The following ARHGAP8 variants were observed in gnomAD, a reference collection of about 807,000 sequenced individuals.
ARHGAP8 encodes the protein Rho GTPase activating protein 8.
ARHGAP8 carries 62 observed loss-of-function variants against 46.1 expected under a neutral mutation model. The ratio of observed to expected loss-of-function variants is 1.34; its 90% CI spans 1.10 to 1.66. The LOEUF is 1.66. ARHGAP8 is among the 40% of genes most tolerant of loss of function. The pLI is 0.00. For synonymous variants in ARHGAP8, 375 were observed against 243.1 expected, an observed-to-expected ratio of 1.54 and a Z score of -5.05; for missense variants, 923 against 568.4, an observed-to-expected ratio of 1.62 and a Z score of -6.34.
Position 44,855,926 on chromosome 22 carries a change from G to C in ARHGAP8, c.878-3805G>C, listed in dbSNP as rs2070209502. On this transcript the variant is annotated intron_variant, in intron 10 of 11. Transcript: ENST00000356099. ...GGAAGCACGGTGTTGGCATCTGCTT[G>C]GCTTCCAGGGAGGCCTCAGGAAGCT... Among the ~76,000 whole-genome samples, 10 of 152,282 alleles carry C rather than the reference G, an allele frequency of 6.6e-5. No individual in the cohort carries two copies. The South Asian group carries it at 2.1e-3, about 32-fold the overall frequency.
chr22:44,755,575 G>C (rs889941898), intron 1 of ARHGAP8, among the ~76,000 whole-genome samples: 4 of 152,154 alleles, frequency 2.6e-5, no homozygotes, highest in Non-Finnish European at 5.9e-5. Context: ...GCAGGAGAGC[G>C]CGCTGCTCCG....
At chr22:44,845,610 C>T (rs761251880) in intron 8 of ARHGAP8, among the ~76,000 whole-genome samples, 1 of 152,290 alleles carries the variant, frequency 6.6e-6, no homozygotes, top group Non-Finnish European at 1.5e-5. Flanking sequence ...AATAACAAAC[C>T]GTACATGACT....
chr22:44,834,898 T>A (rs1225475809), intron 7 of ARHGAP8, among the ~76,000 whole-genome samples: 1 of 152,186 alleles, frequency 6.6e-6, no homozygotes, highest in East Asian at 1.9e-4. Context: ...AAGTCTATTT[T>A]GTCGGATATT....
intron 2 of ARHGAP8, among the ~76,000 whole-genome samples, chr22:44,799,054 C>G (rs961271182): frequency 6.6e-6 from 1 of 152,174 alleles, no homozygotes; most frequent in African/African-American, 2.4e-5. Context: ...TCCAGGCTTC[C>G]CATCCCCAGC....
rs770913517 is a variant in ARHGAP8, at chr22:44,862,608, T to A, written c.*13T>A. 45 of 1,531,952 alleles carry A rather than the reference T, an allele frequency of 2.9e-5. No homozygotes were observed. Among genetic ancestry groups the A allele is most frequent in the Non-Finnish European group, 3.9e-5 (44 of 1,138,312 alleles). The allele number at this position is 1,531,952 out of a possible 1,614,324, so 94.9% of individuals were successfully genotyped here. ...AAGACGTCTCTAGTGTTGCGAACAC[T>A]CTGTATATTTCGAGCTACCTCCCAC... On this transcript the variant is annotated 3_prime_UTR_variant, in exon 12 of 12. Coordinates refer to ENST00000356099, the MANE Select transcript of ARHGAP8 (RefSeq NM_181335.3).
intron 7 of ARHGAP8, among the ~76,000 whole-genome samples, chr22:44,829,933 A>C (rs1396565786): frequency 1.3e-5 from 2 of 152,020 alleles, no homozygotes; most frequent in East Asian, 3.9e-4. Flanking sequence ...CACCTGGGGG[A>C]GGCAGGTACA....
At chr22:44,827,603 A>G (rs1930630621) in intron 7 of ARHGAP8, among the ~76,000 whole-genome samples, 1 of 152,094 alleles carries the variant, frequency 6.6e-6, no homozygotes, top group South Asian at 2.1e-4. Flanking sequence ...TCGGCCTCCC[A>G]AAGTGCTAGG....
chr22:44,801,872 C>A (rs577063920), intron 2 of ARHGAP8: 1 of 597,626 alleles, frequency 1.7e-6, no homozygotes, highest in Admixed American at 2.9e-5. Context: ...TTCCAGCGTA[C>A]GGCTGGTCAT....
intron 4 of ARHGAP8, among the ~76,000 whole-genome samples, chr22:44,813,995 G>T (rs1360829742): frequency 6.6e-6 from 1 of 152,176 alleles, no homozygotes; most frequent in Non-Finnish European, 1.5e-5. Flanking sequence ...CTCCTGGGCT[G>T]TGTCTCCCCA....
intron 11 of ARHGAP8, 46 bp from the exon 12 acceptor site, chr22:44,862,229 G>GCCCCTTGGTGTTCACTC: frequency 1.3e-6 from 2 of 1,542,322 alleles, no homozygotes; most frequent in Non-Finnish European, 1.8e-6. Context: ...AGGTGCCCGT[G>GCCCCTTGGTGTTCACTC]CCCCTTGGTG....
intron 1 of ARHGAP8, among the ~76,000 whole-genome samples, chr22:44,777,418 G>C (rs1328811075): frequency 2.0e-5 from 3 of 151,966 alleles, no homozygotes; most frequent in African/African-American, 7.2e-5. Flanking sequence ...CTCATGATCA[G>C]AATGTAGTAG....
At position 44,768,406 on chromosome 22, in the gene ARHGAP8, C is replaced by T. The variant is rs568432073; in HGVS notation, c.-72+15779C>T. ...CCTCAACCTCCTGGGCTCAAGCAAT[C>T]CTCCCACCTCAGCCTCCTGAGTAGC... On this transcript the variant is annotated intron_variant, in intron 1 of 11. Transcript: ENST00000356099. 6.6e-5 allele frequency among the ~76,000 whole-genome samples: 10 copies of T among 151,954 alleles called. No homozygotes were observed. The East Asian group carries it at 1.9e-3, about 29-fold the overall frequency.
At chr22:44,753,648 C>T (rs1924436184) in intron 1 of ARHGAP8, among the ~76,000 whole-genome samples, 3 of 152,146 alleles carry the variant, frequency 2.0e-5, no homozygotes, top group Admixed American at 2.0e-4. Context: ...CCCTCGGGCT[C>T]TGCCACACCC....
rs748574952 is a variant in ARHGAP8 at position 44,862,275 on chromosome 22, G to A, written c.982G>A (p.Val328Met). ...LRYLMGFLHAVSRESIFNKMN... is the reference protein window; with the variant it reads ...LRYLMGFLHAMSRESIFNKMN... ...TTTACTTGTGTGTGGTTTCCTCCAG[G>A]TGTCCCGGGAGAGCATCTTCAACAA... The change falls in exon 12 of 12, where the codon GTG becomes ATG. Residue 328 changes from valine (V) to methionine (M), a missense_variant and splice_region_variant. Transcript: ENST00000356099. The A allele has an allele frequency of 1.3e-6, 2 of 1,586,294 alleles. No individual in the cohort carries two copies. The highest frequency in any genetic ancestry group is 1.7e-6 in the Non-Finnish European group (2 of 1,161,128).
At chr22:44,849,857 G>A (rs2070051312) in intron 10 of ARHGAP8, 1 of 152,174 alleles carries the variant, frequency 6.6e-6, no homozygotes, top group Admixed American at 6.5e-5. Flanking sequence ...TGCCCAAAGG[G>A]CAGCCTGGCC....
chr22:44,786,326 C>T (rs886829663), intron 1 of ARHGAP8, 131 bp from the exon 2 acceptor site: 16 of 1,062,972 alleles, frequency 1.5e-5, no homozygotes, highest in African/African-American at 9.6e-5. Flanking sequence ...AGTGGGTGCA[C>T]GGCTGAGGTA....
At chr22:44,862,208 G>T (rs572732418) in intron 11 of ARHGAP8, 67 bp from the exon 12 acceptor site, 20 of 1,526,606 alleles carry the variant, frequency 1.3e-5, no homozygotes, top group Middle Eastern at 3.6e-4. Flanking sequence ...CTAAGTTCGG[G>T]AGGGAGTTCC....
At chr22:44,759,136 C>T (rs1298469737) in intron 1 of ARHGAP8, among the ~76,000 whole-genome samples, 1 of 152,160 alleles carries the variant, frequency 6.6e-6, no homozygotes, top group Non-Finnish European at 1.5e-5. Context: ...CCTTGGATCC[C>T]GGGGTCTGTC....
In ARHGAP8 at chr22:44,794,915, C is replaced by T. The variant is rs189244411; in HGVS notation, c.80-7162C>T. On this transcript the variant is annotated intron_variant, in intron 2 of 11. Transcript: ENST00000356099. ...TATGAGCCAGGTGCTTTAGCTCGAG[C>T]CTGTAATCCCAGCTACTTGGGAGGC... is the stretch of plus-strand genomic sequence containing the variant. Among the ~76,000 whole-genome samples, 63 of 151,458 alleles carry T rather than the reference C, an allele frequency of 4.2e-4. No homozygotes were observed. In the East Asian group the frequency reaches 0.012, roughly 29 times the overall value.
Sources: allele counts gnomAD v4.1 joint callset (sites outside exome capture counted in the v4.1 genomes callset), GRCh38; gene constraint gnomAD v4.1.1; transcripts MANE v1.5; gene names NCBI Gene and HGNC (gene_info 2026-07-23, HGNC 2026-07-21).